The following EPHA6 variants were observed in gnomAD, a reference collection of about 807,000 sequenced individuals.
The protein encoded by EPHA6 is ephrin type-A receptor 6.
Under a neutral mutation model 112.0 loss-of-function variants are expected in EPHA6, and 50 were observed. That is an observed-to-expected ratio of 0.45 (90% CI 0.36 to 0.56). EPHA6 has a LOEUF of 0.56. EPHA6 is among the 20% of genes least tolerant of loss of function. The probability of loss-of-function intolerance (pLI) is 0.00; values close to 1 mark genes in which losing one functional copy is unlikely to be tolerated. For synonymous variants in EPHA6, 529 were observed against 490.7 expected, an observed-to-expected ratio of 1.08 and a Z score of -1.03; for missense variants, 1,280 against 1,417.4, an observed-to-expected ratio of 0.90 and a Z score of 1.56.
At chr3:97,204,972 A>T (rs1224976866) in intron 3 of EPHA6, among the ~76,000 whole-genome samples, 1 of 152,122 alleles carries the variant, frequency 6.6e-6, no homozygotes, top group Non-Finnish European at 1.5e-5. Context: ...TATATTTTCC[A>T]TTAAAATTAC....
chr3:97,320,812 G>C (rs2082075328), intron 5 of EPHA6, among the ~76,000 whole-genome samples: 1 of 125,528 alleles, frequency 8.0e-6, no homozygotes, highest in Admixed American at 8.0e-5. Flanking sequence ...GTGTTCTCTG[G>C]GGGCAAAAAA....
At chr3:97,340,068 A>C (rs1369934961) in intron 5 of EPHA6, among the ~76,000 whole-genome samples, 3 of 152,252 alleles carry the variant, frequency 2.0e-5, no homozygotes, top group African/African-American at 7.2e-5. Context: ...AAAATAGATA[A>C]AAAATTTTTG....
chr3:97,414,156 G>A (rs1303185973), intron 6 of EPHA6, among the ~76,000 whole-genome samples: 2 of 151,982 alleles, frequency 1.3e-5, no homozygotes. Context: ...ATAATGGTCT[G>A]ATATAGGGTT....
At chr3:96,930,956 C>T (rs542457417) in intron 2 of EPHA6, among the ~76,000 whole-genome samples, 55 of 116,096 alleles carry the variant, frequency 4.7e-4, no homozygotes, top group Admixed American at 2.2e-3. Flanking sequence ...CACAACATTG[C>T]ACTACAGCCT....
At chr3:97,614,382 T>A (rs949471722) in intron 13 of EPHA6, among the ~76,000 whole-genome samples, 6 of 149,432 alleles carry the variant, frequency 4.0e-5, no homozygotes, top group African/African-American at 9.8e-5. Flanking sequence ...GTCACCAGGC[T>A]GGAGTGTAGT....
At chr3:97,016,707 A>G (rs1414576692) in intron 3 of EPHA6, among the ~76,000 whole-genome samples, 1 of 152,170 alleles carries the variant, frequency 6.6e-6, no homozygotes, top group Non-Finnish European at 1.5e-5. Flanking sequence ...GCACCTATGT[A>G]ATTCCTCTCT....
chr3:97,556,646 A>G (rs2093114449), intron 11 of EPHA6, among the ~76,000 whole-genome samples: 1 of 152,010 alleles, frequency 6.6e-6, no homozygotes, highest in Non-Finnish European at 1.5e-5. Flanking sequence ...GGGAACTACA[A>G]TTCAAGATGA....
intron 13 of EPHA6, among the ~76,000 whole-genome samples, chr3:97,615,107 G>A (rs2093754285): frequency 6.6e-6 from 1 of 152,122 alleles, no homozygotes; most frequent in South Asian, 2.1e-4. Flanking sequence ...GACCTACAGA[G>A]AATGGAGAAA....
intron 5 of EPHA6, among the ~76,000 whole-genome samples, chr3:97,383,554 A>G (rs2085877396): frequency 6.6e-6 from 1 of 152,090 alleles, no homozygotes; most frequent in Non-Finnish European, 1.5e-5. Flanking sequence ...TGTACAATTA[A>G]CATGATCTGG....
chr3:97,501,115 T>C (rs964866957), intron 10 of EPHA6, among the ~76,000 whole-genome samples: 5 of 152,298 alleles, frequency 3.3e-5, no homozygotes, highest in Non-Finnish European at 5.9e-5. Flanking sequence ...AAATAAAACT[T>C]GATGGTCACA....
intron 3 of EPHA6, among the ~76,000 whole-genome samples, chr3:97,120,100 A>T (rs1576522198): frequency 6.6e-6 from 1 of 152,092 alleles, no homozygotes; most frequent in Non-Finnish European, 1.5e-5. Flanking sequence ...TTCCTTACTG[A>T]TTTGAAGCTC....
intron 2 of EPHA6, among the ~76,000 whole-genome samples, chr3:96,875,250 G>T (rs939366373): frequency 1.3e-5 from 2 of 152,020 alleles, no homozygotes; most frequent in Non-Finnish European, 2.9e-5. Context: ...AAAGCTGATG[G>T]CTTTCTTTTA....
intron 14 of EPHA6, chr3:97,645,987 T>C: frequency 1.8e-6 from 1 of 557,094 alleles, no homozygotes; most frequent in Non-Finnish European, 2.8e-6. Context: ...TGTGGGGCAG[T>C]TGTTGGGGAG....
At chr3:97,701,395 C>T (rs1306454194) in intron 14 of EPHA6, among the ~76,000 whole-genome samples, 1 of 151,926 alleles carries the variant, frequency 6.6e-6, no homozygotes, top group East Asian at 1.9e-4. Context: ...GTTTTGGGGG[C>T]AAGGAGTCAG....
intron 2 of EPHA6, among the ~76,000 whole-genome samples, chr3:96,945,520 A>G (rs2041207680): frequency 6.6e-6 from 1 of 152,132 alleles, no homozygotes; most frequent in South Asian, 2.1e-4. Flanking sequence ...ACAAAATAAA[A>G]TCATAGACCT....
intron 15 of EPHA6, among the ~76,000 whole-genome samples, chr3:97,729,839 G>A (rs923935206): frequency 7.9e-5 from 12 of 151,864 alleles, no homozygotes; most frequent in Non-Finnish European, 1.6e-4. Context: ...ACCACAAAAA[G>A]TAAGTATAGA....
chr3:96,954,228 G>T (rs747359523), intron 2 of EPHA6, among the ~76,000 whole-genome samples: 12 of 152,082 alleles, frequency 7.9e-5, no homozygotes, highest in African/African-American at 2.4e-4. Context: ...ACAGCCAGCG[G>T]AATGACCCAC....
intron 3 of EPHA6, among the ~76,000 whole-genome samples, chr3:97,113,930 A>G (rs894558169): frequency 6.6e-6 from 1 of 152,158 alleles, no homozygotes; most frequent in African/African-American, 2.4e-5. Context: ...TCACTTTTAT[A>G]GATTAAGTCT....
chr3:97,087,390 A>G (rs2046936168), intron 3 of EPHA6, among the ~76,000 whole-genome samples: 1 of 152,160 alleles, frequency 6.6e-6, no homozygotes. Context: ...GAGAGTAGAC[A>G]TGATGATCTA....
Sources: allele counts gnomAD v4.1 joint callset (sites outside exome capture counted in the v4.1 genomes callset), GRCh38; gene constraint gnomAD v4.1.1; transcripts MANE v1.5; gene names NCBI Gene and HGNC (gene_info 2026-07-23, HGNC 2026-07-21).